Variants in EYA4 observed in about 807,000 individuals in gnomAD.
EYA4 encodes protein phosphatase EYA4.
Under a neutral mutation model 87.9 loss-of-function variants are expected in EYA4, and 31 were observed. The observed-to-expected ratio is 0.35, with a 90% CI of 0.27 to 0.48. The LOEUF is 0.48. EYA4 is among the 20% of genes least tolerant of loss of function. The pLI is 0.99. For synonymous variants in EYA4, 263 were observed against 270.6 expected (o/e 0.97, Z 0.28); for missense variants, 678 against 761.4 (o/e 0.89, Z 1.29).
chr6:133,425,432 A>G (rs981148176), intron 3 of EYA4, among the ~76,000 whole-genome samples: 8 of 149,768 alleles, frequency 5.3e-5, no homozygotes, highest in African/African-American at 2.0e-4. Context: ...CCCAAAGGTC[A>G]TGACACCCCC....
At chr6:133,271,300 C>A (rs549836001) in intron 1 of EYA4, among the ~76,000 whole-genome samples, 41 of 152,244 alleles carry the variant, frequency 2.7e-4, no homozygotes, top group African/African-American at 9.4e-4. Flanking sequence ...AATCCAGCTG[C>A]TTCAGGATGA....
At chr6:133,287,513 G>A (rs867935294) in intron 2 of EYA4, among the ~76,000 whole-genome samples, 34 of 149,606 alleles carry the variant, frequency 2.3e-4, no homozygotes, top group Middle Eastern at 3.4e-3. Context: ...GTGAGGCAGT[G>A]GGAAATCTGG....
At chr6:133,323,640 A>C (rs1781270690) in intron 2 of EYA4, among the ~76,000 whole-genome samples, 1 of 152,146 alleles carries the variant, frequency 6.6e-6, no homozygotes, top group South Asian at 2.1e-4. Flanking sequence ...ATGAGGTTCT[A>C]GGGGAAGCAA....
At chr6:133,437,502 C>T (rs938595355) in intron 3 of EYA4, among the ~76,000 whole-genome samples, 98 of 152,112 alleles carry the variant, frequency 6.4e-4, no homozygotes, top group African/African-American at 2.2e-3. Flanking sequence ...TATATTAATA[C>T]GTTATTTTAA....
intron 3 of EYA4, among the ~76,000 whole-genome samples, chr6:133,433,080 T>TA (rs901078190): frequency 2.0e-5 from 3 of 152,318 alleles, no homozygotes; most frequent in East Asian, 1.9e-4. Context: ...GAAATTTGCT[T>TA]AAAAAAATCA....
At chr6:133,454,474 C>T (rs1469633352) in intron 5 of EYA4, among the ~76,000 whole-genome samples, 1 of 152,178 alleles carries the variant, frequency 6.6e-6, no homozygotes, top group African/African-American at 2.4e-5. Context: ...TGAACACACA[C>T]TACTTGGTCT....
intron 2 of EYA4, among the ~76,000 whole-genome samples, chr6:133,295,160 A>T (rs1778854979): frequency 6.6e-6 from 1 of 152,204 alleles, no homozygotes; most frequent in Non-Finnish European, 1.5e-5. Context: ...ATACAAAATT[A>T]ATGTTTCAAA....
chr6:133,465,639 C>T (rs370035964), intron 10 of EYA4, among the ~76,000 whole-genome samples: 73 of 152,142 alleles, frequency 4.8e-4, no homozygotes, highest in African/African-American at 1.6e-3. Context: ...CAGCCATGTT[C>T]GAAGTAGTTG....
intron 18 of EYA4, among the ~76,000 whole-genome samples, chr6:133,523,599 T>C (rs1272119437): frequency 6.6e-6 from 1 of 152,086 alleles, no homozygotes; most frequent in African/African-American, 2.4e-5. Flanking sequence ...AGAAAAAAAT[T>C]AAGAGTTTTA....
At chr6:133,401,803 C>T (rs1290000728) in intron 3 of EYA4, among the ~76,000 whole-genome samples, 8 of 152,232 alleles carry the variant, frequency 5.3e-5, no homozygotes, top group Non-Finnish European at 2.9e-5. Context: ...TATTAGTTGA[C>T]CTATTGAAAT....
At chr6:133,400,232 GGGCGTGGT>G (rs1788143072) in intron 3 of EYA4, among the ~76,000 whole-genome samples, 1 of 152,150 alleles carries the variant, frequency 6.6e-6, no homozygotes, top group Non-Finnish European at 1.5e-5. Flanking sequence ...ATATGCGGTG[GGGCGTGGT>G]GGCTCATGCC....
At chr6:133,409,044 A>C (rs563195436) in intron 3 of EYA4, among the ~76,000 whole-genome samples, 1 of 152,210 alleles carries the variant, frequency 6.6e-6, no homozygotes, top group Non-Finnish European at 1.5e-5. Context: ...TCAGTGGTCC[A>C]TAGGTCATTA....
At position 133,462,327 on chromosome 6, in the gene EYA4, A is replaced by G. The variant is rs1794468551; in HGVS notation, c.438-8A>G. 1 of 1,613,758 alleles carries G rather than the reference A, an allele frequency of 6.2e-7. No individual in the cohort carries two copies. The highest frequency in any genetic ancestry group is 2.2e-5 in the East Asian group (1 of 44,864). Reference sequence around the variant, plus strand: ...TTGCCACAGTAATGCTATTTTTCTGATATTTAGGCCCTATCCACACATTCT... The same window carrying G: ...TTGCCACAGTAATGCTATTTTTCTGGTATTTAGGCCCTATCCACACATTCT... On this transcript the variant is annotated splice_polypyrimidine_tract_variant and splice_region_variant and intron_variant, in intron 7 of 19. Coordinates refer to ENST00000355286, the MANE Select transcript of EYA4 (RefSeq NM_004100.5).
intron 1 of EYA4, among the ~76,000 whole-genome samples, chr6:133,264,949 G>A (rs1195303565): frequency 6.6e-6 from 1 of 152,094 alleles, no homozygotes; most frequent in African/African-American, 2.4e-5. Context: ...AGAGGATTAG[G>A]TGTACTTCTC....
At chr6:133,481,852 A>G (rs1029572312) in intron 12 of EYA4, among the ~76,000 whole-genome samples, 3 of 152,208 alleles carry the variant, frequency 2.0e-5, no homozygotes, top group Non-Finnish European at 4.4e-5. Context: ...GATAATTGCA[A>G]GTTTTGATCT....
At chr6:133,343,963 C>G (rs1181317026) in intron 2 of EYA4, among the ~76,000 whole-genome samples, 1 of 144,958 alleles carries the variant, frequency 6.9e-6, no homozygotes, top group Non-Finnish European at 1.5e-5. Context: ...AATTTGATAG[C>G]CATTTATCAA....
At chr6:133,261,203 A>G (rs1433970873) in intron 1 of EYA4, among the ~76,000 whole-genome samples, 6 of 152,078 alleles carry the variant, frequency 3.9e-5, no homozygotes, top group Non-Finnish European at 8.8e-5. Flanking sequence ...ACTTAACTCC[A>G]CTTCTTGTTC....
intron 3 of EYA4, among the ~76,000 whole-genome samples, chr6:133,413,872 C>T (rs1481945176): frequency 6.6e-6 from 1 of 152,194 alleles, no homozygotes; most frequent in African/African-American, 2.4e-5. Flanking sequence ...TCTCCTCTTT[C>T]TTTTCTTCTT....
Position 133,301,415 on chromosome 6 carries a change from G to A in EYA4, c.33+26602G>A, listed in dbSNP as rs75243227. Among the ~76,000 whole-genome samples, 1,366 of 152,206 alleles carry A rather than the reference G, an allele frequency of 9.0e-3. 24 individuals are homozygous for A. Among genetic ancestry groups the A allele is most frequent in the African/African-American group, 0.031 (1,275 of 41,504 alleles). ...GGTTTTTCCCTTGATGCACCAGTAT[G>A]ACTTTTATGATTATCAAGATTTTAG... On this transcript the variant is annotated intron_variant, in intron 2 of 19. Coordinates refer to ENST00000355286, the MANE Select transcript of EYA4 (RefSeq NM_004100.5).
Sources: allele counts gnomAD v4.1 joint callset (sites outside exome capture counted in the v4.1 genomes callset), GRCh38; gene constraint gnomAD v4.1.1; transcripts MANE v1.5; gene names NCBI Gene and HGNC (gene_info 2026-07-23, HGNC 2026-07-21).